The following SDK1 variants were observed in gnomAD, a reference collection of about 807,000 sequenced individuals.
SDK1 encodes protein sidekick-1.
Under a neutral mutation model 245.5 loss-of-function variants are expected in SDK1, and 157 were observed. The ratio of observed to expected loss-of-function variants is 0.64; its 90% confidence interval spans 0.56 to 0.73. SDK1 has a LOEUF of 0.73. SDK1 is among the 30% of genes least tolerant of loss of function. The pLI is 0.00. For missense variants in SDK1, 3,583 were observed against 3,002.3 expected (o/e 1.19, Z -4.52); for synonymous variants, 1,647 against 1,278.5 (o/e 1.29, Z -6.15).
intron 1 of SDK1, among the ~76,000 whole-genome samples, chr7:3,412,642 G>T (rs1779244566): frequency 6.6e-6 from 1 of 152,316 alleles, no homozygotes; most frequent in South Asian, 2.1e-4. Context: ...TCCTAGAATG[G>T]CTGGATTAAA....
intron 4 of SDK1, among the ~76,000 whole-genome samples, chr7:3,645,337 G>C (rs533026672): frequency 6.6e-6 from 1 of 152,316 alleles, no homozygotes; most frequent in Non-Finnish European, 1.5e-5. Context: ...GAGATGAGAT[G>C]AGGCTGATTA....
intron 32 of SDK1, among the ~76,000 whole-genome samples, chr7:4,172,967 G>A (rs547878514): frequency 7.7e-4 from 118 of 152,268 alleles, no homozygotes; most frequent in Admixed American, 7.7e-3. Context: ...TCCAAATAAG[G>A]TCAGGTTCAC....
chr7:3,907,142 A>G lies in SDK1; in HGVS notation c.848-43781A>G, dbSNP rs560004444. ...TTTTTTATTATGAAGATTTGTCTCTATCTGTAAAACTTAAAACTTGCCATT... is the reference window on the plus strand; with the variant it reads ...TTTTTTATTATGAAGATTTGTCTCTGTCTGTAAAACTTAAAACTTGCCATT... On this transcript the variant is annotated intron_variant, in intron 5 of 44. Coordinates refer to ENST00000404826, the MANE Select transcript of SDK1 (RefSeq NM_152744.4). Among the ~76,000 whole-genome samples the G allele has an allele frequency of 2.0e-5, 3 of 152,232 alleles. 1 individual carries two copies. The highest frequency in any genetic ancestry group is 7.2e-5 in the African/African-American group (3 of 41,528).
At chr7:3,991,630 C>T (rs1177089966) in intron 14 of SDK1, among the ~76,000 whole-genome samples, 1 of 152,216 alleles carries the variant, frequency 6.6e-6, no homozygotes, top group African/African-American at 2.4e-5. Context: ...ATATTAGCCT[C>T]TGGCTCTCCT....
chr7:3,626,530 G>C (rs1488197492), intron 2 of SDK1, among the ~76,000 whole-genome samples: 1 of 152,146 alleles, frequency 6.6e-6, no homozygotes, highest in African/African-American at 2.4e-5. Flanking sequence ...CTTGGTGCTG[G>C]GTGGCCCAGG....
intron 5 of SDK1, among the ~76,000 whole-genome samples, chr7:3,841,441 G>A (rs142842029): frequency 7.2e-5 from 11 of 152,300 alleles, no homozygotes; most frequent in East Asian, 1.9e-4. Flanking sequence ...ACAGAACTGC[G>A]TATTATTTGA....
At chr7:3,382,062 A>G (rs1781502682) in intron 1 of SDK1, among the ~76,000 whole-genome samples, 1 of 152,168 alleles carries the variant, frequency 6.6e-6, no homozygotes, top group Non-Finnish European at 1.5e-5. Flanking sequence ...TTCCCTATGC[A>G]CAAGAAAAAC....
intron 1 of SDK1, among the ~76,000 whole-genome samples, chr7:3,484,889 GTTCA>G (rs763460500): frequency 9.2e-5 from 14 of 152,108 alleles, no homozygotes; most frequent in Non-Finnish European, 1.6e-4. Context: ...TATTTTGTTT[GTTCA>G]TTCATCTGTT....
intron 5 of SDK1, among the ~76,000 whole-genome samples, chr7:3,880,936 A>G (rs1217306512): frequency 1.3e-5 from 2 of 152,064 alleles, no homozygotes; most frequent in Admixed American, 6.5e-5. Context: ...TCAAATACAC[A>G]TGAGGTACCT....
Position 4,226,281 on chromosome 7 carries a change from G to C in SDK1, c.5827+4917G>C, listed in dbSNP as rs935862486. ...TGGGTATCTGGGAGACGGGCACTCG[G>C]TGCCAGGCAGCCCCTCTGGCCCACG... On this transcript the variant is annotated intron_variant, in intron 40 of 44. Coordinates refer to ENST00000404826, the MANE Select transcript of SDK1 (RefSeq NM_152744.4). Among the ~76,000 whole-genome samples the C allele has an allele frequency of 2.6e-5, 4 of 152,202 alleles. No homozygotes were observed. In the East Asian group the frequency reaches 7.7e-4, roughly 29 times the overall value.
chr7:4,139,972 C>G (rs1382842915), intron 28 of SDK1, among the ~76,000 whole-genome samples: 1 of 152,112 alleles, frequency 6.6e-6, no homozygotes, highest in Non-Finnish European at 1.5e-5. Context: ...CCACTGTTCT[C>G]CCATGAGCCT....
chr7:4,076,256 C>T (rs972116088), intron 20 of SDK1, among the ~76,000 whole-genome samples: 15 of 152,168 alleles, frequency 9.9e-5, no homozygotes, highest in South Asian at 2.1e-4. Context: ...CAAAAAATAT[C>T]GGCTTCCAAA....
intron 22 of SDK1, among the ~76,000 whole-genome samples, chr7:4,092,710 A>G (rs1187599602): frequency 1.3e-5 from 2 of 152,140 alleles, no homozygotes; most frequent in Non-Finnish European, 2.9e-5. Context: ...CAGGGAGGTG[A>G]TGTCAGAGAG....
chr7:3,936,643 G>A lies in SDK1; in HGVS notation c.848-14280G>A, dbSNP rs75344414. Among the ~76,000 whole-genome samples, 1,481 of 152,168 alleles carry A rather than the reference G, an allele frequency of 9.7e-3. 18 individuals are homozygous for A. The highest frequency in any genetic ancestry group is 0.036 in the South Asian group (175 of 4,824). ...GTGATGGCTACATCACAGCTTGAGC[G>A]TCCTTAACGCCAATGAACTGTTCAC... is the stretch of plus-strand genomic sequence containing the variant. On this transcript the variant is annotated intron_variant, in intron 5 of 44. Coordinates refer to ENST00000404826, the MANE Select transcript of SDK1 (RefSeq NM_152744.4).
chr7:3,982,282 A>G (rs1783467661), intron 13 of SDK1, among the ~76,000 whole-genome samples: 1 of 152,192 alleles, frequency 6.6e-6, no homozygotes, highest in Non-Finnish European at 1.5e-5. Flanking sequence ...TCCTTTGAAA[A>G]TATTACTGCT....
chr7:3,605,132 A>G (rs1289332958), intron 1 of SDK1, among the ~76,000 whole-genome samples: 1 of 138,326 alleles, frequency 7.2e-6, no homozygotes, highest in African/African-American at 2.7e-5. Flanking sequence ...ACTTGAGGAA[A>G]AAAAAAACAA....
In SDK1 at chr7:3,638,540, A is replaced by G. The variant is rs1399386700; in HGVS notation, c.459-464A>G. On this transcript the variant is annotated intron_variant, in intron 2 of 44. Transcript: ENST00000404826. ...TCAGCAAACTAACACAAGGACAAAA[A>G]ACCAAACACCGCATGTTCTCACTCA... Among the ~76,000 whole-genome samples the G allele has an allele frequency of 7.3e-5, 11 of 150,316 alleles. No individual in the cohort carries two copies. The South Asian group carries it at 1.3e-3, about 17-fold the overall frequency.
In SDK1 at chr7:3,436,968, G is replaced by C. The variant is rs1286333092; in HGVS notation, c.298+135084G>C. Among the ~76,000 whole-genome samples, 5 of 152,154 alleles carry C rather than the reference G, an allele frequency of 3.3e-5. No individual in the cohort carries two copies. The East Asian group carries it at 9.7e-4, about 29-fold the overall frequency. ...AATGTAGAACATAGAATGTCTAACGGATTAGTCACAATAAAAAAAATTTCC... is the reference window on the plus strand; with the variant it reads ...AATGTAGAACATAGAATGTCTAACGCATTAGTCACAATAAAAAAAATTTCC... On this transcript the variant is annotated intron_variant, in intron 1 of 44. Coordinates refer to ENST00000404826, the MANE Select transcript of SDK1 (RefSeq NM_152744.4).
chr7:4,162,116 C>T (rs543646043), intron 32 of SDK1, among the ~76,000 whole-genome samples: 59 of 152,144 alleles, frequency 3.9e-4, no homozygotes, highest in Non-Finnish European at 6.8e-4. Flanking sequence ...TCAGGAGGGA[C>T]CGGCAGGATG....
Sources: gnomAD v4.1 joint callset for allele counts (sites outside exome capture counted in the v4.1 genomes callset) on GRCh38, gnomAD v4.1.1 for gene constraint, MANE v1.5 for transcripts, NCBI Gene and HGNC (gene_info 2026-07-23, HGNC 2026-07-21) for gene names.